MPDU1: variants seen among roughly 807,000 people sequenced by gnomAD.
MPDU1 encodes the protein mannose-P-dolichol utilization defect 1, also known as mannose-P-dolichol utilization defect 1 protein.
A neutral mutation model predicts 27.6 loss-of-function variants in MPDU1; 18 were observed. The observed-to-expected ratio is 0.65, with a 90% CI of 0.45 to 0.97. MPDU1 has a LOEUF of 0.97. Ranked by LOEUF, MPDU1 falls within the 50% of genes least tolerant of loss-of-function variation. The pLI, the probability that MPDU1 is intolerant of heterozygous loss-of-function variation, is 0.00. For missense variants in MPDU1, 279 were observed against 297.4 expected (o/e 0.94, Z 0.46); for synonymous variants, 142 against 131.1 (o/e 1.08, Z -0.57).
At chr17:7,583,667 C>T (rs746489263), upstream of MPDU1, 3 of 732,302 alleles carry the variant, frequency 4.1e-6, no homozygotes, top group Admixed American at 5.9e-5. Context: ...ATTCCAACAG[C>T]GCGTCCAAAA....
intron 6 of MPDU1, 41 bp from the exon 7 acceptor site, chr17:7,587,385 C>T (rs2071602788): frequency 6.2e-7 from 1 of 1,613,860 alleles, no homozygotes; most frequent in Admixed American, 1.7e-5. Flanking sequence ...CTTTCTTGAG[C>T]TATGCTGAAG....
chr17:7,584,661 C>T (rs566577819), intron 1 of MPDU1, among the ~76,000 whole-genome samples: 1 of 152,266 alleles, frequency 6.6e-6, no homozygotes, highest in Admixed American at 6.5e-5. Context: ...AGGTTTAGTC[C>T]CTGAGTAGGG....
At chr17:7,584,130 G>A (rs962400721) in intron 1 of MPDU1, 165 bp downstream of exon 1, 26 of 729,842 alleles carry the variant, frequency 3.6e-5, no homozygotes, top group African/African-American at 1.7e-4. Context: ...TTAGAGGGAG[G>A]ACACCATATT....
At chr17:7,587,067 G>GGGGGGGGGGGGGCA in intron 5 of MPDU1, 50 bp downstream of exon 5, 7 of 1,041,270 alleles carry the variant, frequency 6.7e-6, no homozygotes, top group South Asian at 1.3e-5. Context: ...GGGTGGGGGG[G>GGGGGGGGGGGGGCA]AAGAGTAGAA....
In MPDU1 at chr17:7,585,645, G is replaced by C. The variant is rs756709546; in HGVS notation, c.104-87G>C. ...AATGCAAGACCCTGGTGTGGGTAAG[G>C]GGGCTCGGGGAGAGCCCACAGGAGC... On this transcript the variant is annotated intron_variant, in intron 1 of 6. Transcript: ENST00000250124. 5.3e-6 allele frequency: 7 copies of C among 1,312,996 alleles called. No homozygotes were observed. In the East Asian group the frequency reaches 1.4e-4, roughly 26 times the overall value. 81.3% of individuals were successfully genotyped at this position (1,312,996 alleles called of 1,614,324 possible).
chr17:7,586,895 C>G lies in MPDU1; in HGVS notation c.389-4C>G, dbSNP rs752756418. On this transcript the variant is annotated splice_polypyrimidine_tract_variant and splice_region_variant and intron_variant, in intron 4 of 6. Coordinates refer to ENST00000250124, the MANE Select transcript of MPDU1 (RefSeq NM_004870.4). The stretch of plus-strand genomic sequence containing the variant: ...GACAAGGACTCCTGTCTCCCCACCC[C>G]TAGGTGTCGCTTTCCTCGCTTGCTA... 6.2e-7 allele frequency: 1 copy of G among 1,613,948 alleles called. No homozygotes were observed. Among genetic ancestry groups the G allele is most frequent in the Non-Finnish European group, 8.5e-7 (1 of 1,179,938 alleles).
chr17:7,587,093 G>A lies in MPDU1; in HGVS notation c.508-68G>A, dbSNP rs765468311. The A allele has an allele frequency of 3.8e-6, 6 of 1,560,996 alleles. No individual in the cohort carries two copies. In the Admixed American group the frequency reaches 5.0e-5, roughly 13 times the overall value. ...AAGAGTAGAAGATCAAAGTGTGGGG[G>A]TGTTGTACTTGGGGGAGCATGGGAA... On this transcript the variant is annotated intron_variant, in intron 5 of 6. Transcript: ENST00000250124.
At chr17:7,586,589 G>A (rs2071586432) in intron 3 of MPDU1, 103 bp from the exon 4 acceptor site, 1 of 1,024,736 alleles carries the variant, frequency 9.8e-7, no homozygotes, top group Non-Finnish European at 1.5e-6. Context: ...GGGCTGTAGA[G>A]AAGCGTGATC....
intron 1 of MPDU1, 116 bp from the exon 2 acceptor site, chr17:7,585,616 A>G: frequency 1.0e-6 from 1 of 965,616 alleles, no homozygotes; most frequent in Non-Finnish European, 1.7e-6. Flanking sequence ...CCTCCCCCCA[A>G]GACAATGCAA....
At position 7,587,940 on chromosome 17, in the gene MPDU1, C is replaced by T. The variant is rs374315569; in HGVS notation, c.*389C>T. On this transcript the variant is annotated 3_prime_UTR_variant, in exon 7 of 7. Coordinates refer to ENST00000250124, the MANE Select transcript of MPDU1 (RefSeq NM_004870.4). ...CTGGCCCTGGAAGACTGAGTCTGGA[C>T]GGCAGAGTGGAGGGACTGGGAGGCT... 7.9e-5 allele frequency: 38 copies of T among 480,052 alleles called. No homozygotes were observed. Among genetic ancestry groups the T allele is most frequent in the East Asian group, 2.5e-4 (4 of 16,154 alleles). 29.7% of individuals were successfully genotyped at this position (480,052 alleles called of 1,614,324 possible). A position where few individuals can be genotyped will look rare whatever the true frequency, so the allele number is the denominator to read the frequency against.
chr17:7,584,761 G>T (rs958327804), intron 1 of MPDU1, among the ~76,000 whole-genome samples: 1 of 152,228 alleles, frequency 6.6e-6, no homozygotes, highest in African/African-American at 2.4e-5. Context: ...GGAGGCCGAA[G>T]CGGGTGGATC....
At position 7,587,503 on chromosome 17, in the gene MPDU1, C is replaced by T. The variant is rs1464545918; in HGVS notation, c.696C>T (p.Leu232=). The stretch of plus-strand genomic sequence containing the variant: ...ACGGCCTCATCGCCGCCCAGCTGCT[C>T]TTCTACTGGAATGCAAAGCCTCCCC... ...LCNGLIAAQL[L]FYWNAKPPHK... Residue 232 remains leucine (L), a synonymous_variant, in exon 7 of 7, where the codon CTC becomes CTT. Coordinates refer to ENST00000250124, the MANE Select transcript of MPDU1 (RefSeq NM_004870.4). 1 of 1,613,712 alleles carries T rather than the reference C, an allele frequency of 6.2e-7. No individual in the cohort carries two copies. The highest frequency in any genetic ancestry group is 8.5e-7 in the Non-Finnish European group (1 of 1,179,972).
chr17:7,584,290 A>T, intron 1 of MPDU1: 2 of 568,314 alleles, frequency 3.5e-6, no homozygotes, highest in Non-Finnish European at 3.1e-6. Flanking sequence ...GCAGGGTTAA[A>T]CTTAATTCAA....
At chr17:7,585,478 AG>A (rs1409208224) in intron 1 of MPDU1, among the ~76,000 whole-genome samples, 1 of 151,758 alleles carries the variant, frequency 6.6e-6, no homozygotes, top group African/African-American at 2.4e-5. Flanking sequence ...CAGAGGCTGC[AG>A]TGGGCTGAGA....
In MPDU1 at chr17:7,586,786, G is replaced by T; in HGVS notation, c.388+9G>T. ...AGGACAGACTGTGAAAGGTGCTGGG[G>T]ACTTACCCAAGAGCAGGCTGTGTGG... On this transcript the variant is annotated intron_variant, in intron 4 of 6. Coordinates refer to ENST00000250124, the MANE Select transcript of MPDU1 (RefSeq NM_004870.4). 6.2e-7 allele frequency: 1 copy of T among 1,613,950 alleles called. No individual in the cohort carries two copies. Among genetic ancestry groups the T allele is most frequent in the Non-Finnish European group, 8.5e-7 (1 of 1,179,866 alleles).
At chr17:7,586,583 T>G in intron 3 of MPDU1, 109 bp from the exon 4 acceptor site, 1 of 962,916 alleles carries the variant, frequency 1.0e-6, no homozygotes, top group South Asian at 1.3e-5. Flanking sequence ...GTGTGGGGGC[T>G]GTAGAGAAGC....
At chr17:7,586,209 G>C in intron 3 of MPDU1, 131 bp downstream of exon 3, 1 of 1,133,746 alleles carries the variant, frequency 8.8e-7, no homozygotes, top group Non-Finnish European at 1.3e-6. Context: ...ACTTTGGGAG[G>C]CCGAGGCGGG....
Position 7,587,571 on chromosome 17 carries a change from T to TC in MPDU1, c.*22dup. On this transcript the variant is annotated 3_prime_UTR_variant, in exon 7 of 7. Transcript: ENST00000250124. ...CAGTAGAGCCAGCTACTGGAGTCAT[T>TC]CCGTTTCCACTCATTCACCCAACCT... The TC allele has an allele frequency of 6.2e-7, 1 of 1,613,482 alleles. No individual in the cohort carries two copies. Among genetic ancestry groups the TC allele is most frequent in the Non-Finnish European group, 8.5e-7 (1 of 1,179,828 alleles).
In MPDU1 at chr17:7,588,073, G is replaced by A. The variant is rs1050864392; in HGVS notation, c.*522G>A. 3 of 556,094 alleles carry A rather than the reference G, an allele frequency of 5.4e-6. No individual in the cohort carries two copies. The African/African-American group carries it at 5.6e-5, about 10-fold the overall frequency. 34.4% of individuals were successfully genotyped at this position (556,094 alleles called of 1,614,324 possible). ...CTCAGGCAGGGCCCCAGGGTGGGGT[G>A]AGGAGGTTCCTGCTCTGGCAGGTCT... On this transcript the variant is annotated 3_prime_UTR_variant, in exon 7 of 7. Coordinates refer to ENST00000250124, the MANE Select transcript of MPDU1 (RefSeq NM_004870.4).
Sources: allele counts gnomAD v4.1 joint callset (sites outside exome capture counted in the v4.1 genomes callset), GRCh38; gene constraint gnomAD v4.1.1; transcripts MANE v1.5; gene names NCBI Gene and HGNC (gene_info 2026-07-23, HGNC 2026-07-21).